Variants in PCDH15 observed in about 807,000 individuals in gnomAD.
PCDH15 encodes protocadherin-15.
Under a neutral mutation model 178.5 loss-of-function variants are expected in PCDH15, and 129 were observed. The observed-to-expected ratio is 0.72, with a 90% CI of 0.63 to 0.84. PCDH15 has a LOEUF of 0.84. Among genes scored for constraint, PCDH15 ranks in the 40% least tolerant of loss-of-function variants. PCDH15 has a pLI of 0.00. For missense variants in PCDH15, 2,230 were observed against 2,099.9 expected, an observed-to-expected ratio of 1.06 and a Z score of -1.21; for synonymous variants, 800 against 732.0, an observed-to-expected ratio of 1.09 and a Z score of -1.50.
At chr10:53,816,110 ACT>A (rs2076051439) in intron 35 of PCDH15, 127 bp downstream of exon 35, 1 of 393,414 alleles carries the variant, frequency 2.5e-6, no homozygotes, top group Admixed American at 4.4e-5. Flanking sequence ...ATTTTGAAAG[ACT>A]CTTTTCTTTT....
intron 8 of PCDH15, among the ~76,000 whole-genome samples, chr10:54,269,399 T>C (rs1230334204): frequency 6.6e-6 from 1 of 151,970 alleles, no homozygotes; most frequent in Non-Finnish European, 1.5e-5. Flanking sequence ...AACACTTTAT[T>C]CTAGCAATGA....
chr10:54,245,081 C>G (rs2055788995), intron 8 of PCDH15, among the ~76,000 whole-genome samples: 1 of 152,058 alleles, frequency 6.6e-6, no homozygotes, highest in Non-Finnish European at 1.5e-5. Flanking sequence ...TGAGCACTCC[C>G]TAGGTTTTTC....
intron 20 of PCDH15, among the ~76,000 whole-genome samples, chr10:54,000,636 G>A: frequency 9.8e-6 from 1 of 102,348 alleles, no homozygotes; most frequent in South Asian, 4.0e-4. Context: ...TACACAGTCA[G>A]AGGAGGCAAG....
intron 5 of PCDH15, among the ~76,000 whole-genome samples, chr10:54,357,039 C>G (rs906947411): frequency 6.6e-6 from 1 of 152,188 alleles, no homozygotes; most frequent in Admixed American, 6.5e-5. Flanking sequence ...CAATGACAAA[C>G]CCACAGCCAA....
intron 1 of PCDH15, among the ~76,000 whole-genome samples, chr10:54,703,101 CA>C (rs2095328409): frequency 6.6e-6 from 1 of 151,972 alleles, no homozygotes; most frequent in South Asian, 2.1e-4. Flanking sequence ...TATGATTCAC[CA>C]CATCAACATA....
chr10:54,498,239 T>C (rs2080318666), intron 3 of PCDH15, among the ~76,000 whole-genome samples: 1 of 152,150 alleles, frequency 6.6e-6, no homozygotes, highest in Admixed American at 6.6e-5. Flanking sequence ...ATAAAATCTT[T>C]TTCAAATAAA....
chr10:55,541,627 T>C (rs1161544461), intron 2 of PCDH15, among the ~76,000 whole-genome samples: 1 of 151,938 alleles, frequency 6.6e-6, no homozygotes, highest in African/African-American at 2.4e-5. Flanking sequence ...TAACTTTACT[T>C]TTAATCAATA....
chr10:55,310,129 G>A (rs529466408), intron 1 of PCDH15, among the ~76,000 whole-genome samples: 5 of 151,926 alleles, frequency 3.3e-5, no homozygotes, highest in South Asian at 2.1e-4. Flanking sequence ...TCTTCTCATC[G>A]TTTAATTCAA....
chr10:54,174,842 G>A (rs1183477405), intron 13 of PCDH15, among the ~76,000 whole-genome samples: 1 of 150,222 alleles, frequency 6.7e-6, no homozygotes, highest in Non-Finnish European at 1.5e-5. Flanking sequence ...TTCTTAGATT[G>A]GGGAATATCA....
chr10:54,598,023 A>G (rs879302359), intron 2 of PCDH15, among the ~76,000 whole-genome samples: 1 of 152,170 alleles, frequency 6.6e-6, no homozygotes, highest in Non-Finnish European at 1.5e-5. Context: ...GCCCTAGACC[A>G]GATGAATTCA....
At chr10:55,464,759 A>G (rs967820270) in intron 2 of PCDH15, among the ~76,000 whole-genome samples, 15 of 149,922 alleles carry the variant, frequency 1.0e-4, no homozygotes, top group African/African-American at 3.4e-4. Context: ...GGGAGAAGTA[A>G]CAATGATAAA....
intron 5 of PCDH15, among the ~76,000 whole-genome samples, chr10:54,360,487 A>T (rs1945837905): frequency 6.6e-6 from 1 of 151,992 alleles, no homozygotes; most frequent in South Asian, 2.1e-4. Flanking sequence ...TTTGGTAAAA[A>T]TTACCTCTAT....
intron 2 of PCDH15, among the ~76,000 whole-genome samples, chr10:55,148,118 G>C (rs1838582924): frequency 3.8e-5 from 1 of 26,408 alleles, no homozygotes; most frequent in Non-Finnish European, 2.6e-4. Flanking sequence ...GGCGATGATG[G>C]GCTTTCTACT....
chr10:54,449,129 G>A (rs2076315323), intron 3 of PCDH15, among the ~76,000 whole-genome samples: 1 of 151,786 alleles, frequency 6.6e-6, no homozygotes, highest in Non-Finnish European at 1.5e-5. Context: ...CTGAGGGTAA[G>A]GGACTCACTT....
chr10:53,957,207 AG>A (rs1292435671), intron 23 of PCDH15, among the ~76,000 whole-genome samples: 1 of 152,224 alleles, frequency 6.6e-6, no homozygotes, highest in Non-Finnish European at 1.5e-5. Context: ...ACTTGCCGCA[AG>A]GGGCTTTGAA....
intron 2 of PCDH15, among the ~76,000 whole-genome samples, chr10:55,509,987 G>C (rs947481848): frequency 6.6e-6 from 1 of 151,912 alleles, no homozygotes; most frequent in African/African-American, 2.4e-5. Context: ...GGCAGGATTA[G>C]AACTCGAGTC....
intron 15 of PCDH15, among the ~76,000 whole-genome samples, chr10:54,102,078 TA>T: frequency 6.6e-6 from 1 of 152,328 alleles, no homozygotes; most frequent in East Asian, 1.9e-4. Flanking sequence ...ATTTATTCAA[TA>T]AAACCTACTA....
chr10:54,698,758 A>G (rs368275333), intron 1 of PCDH15, among the ~76,000 whole-genome samples: 15 of 152,280 alleles, frequency 9.9e-5, no homozygotes, highest in South Asian at 4.1e-4. Flanking sequence ...TGCCTGGCAC[A>G]TGATAGCCAA....
chr10:53,827,226 A>G (rs1298935684), intron 32 of PCDH15, among the ~76,000 whole-genome samples, 167 bp downstream of exon 32: 2 of 152,086 alleles, frequency 1.3e-5, no homozygotes, highest in African/African-American at 4.8e-5. Context: ...TTATTTTTCA[A>G]CTTAACCTTT....
Sources: gnomAD v4.1 joint callset for allele counts (sites outside exome capture counted in the v4.1 genomes callset) on GRCh38, gnomAD v4.1.1 for gene constraint, MANE v1.5 for transcripts, NCBI Gene and HGNC (gene_info 2026-07-23, HGNC 2026-07-21) for gene names.